HAPLN1: variants seen among roughly 807,000 people sequenced by gnomAD.
HAPLN1 encodes Cartilage link protein.
Under a neutral mutation model 36.5 loss-of-function variants are expected in HAPLN1, and 13 were observed. The ratio of observed to expected loss-of-function variants is 0.36; its 90% CI spans 0.23 to 0.57. The LOEUF (loss-of-function observed/expected upper bound fraction) is 0.57. Among genes scored for constraint, HAPLN1 ranks in the 20% least tolerant of loss-of-function variants. The probability of loss-of-function intolerance (pLI) is 0.83; values close to 1 mark genes in which losing one functional copy is unlikely to be tolerated. For synonymous variants in HAPLN1, 202 were observed against 169.8 expected, an observed-to-expected ratio of 1.19 and a Z score of -1.48; for missense variants, 407 against 439.7, an observed-to-expected ratio of 0.93 and a Z score of 0.66.
At chr5:83,656,322 C>T (rs1249931619) in intron 2 of HAPLN1, among the ~76,000 whole-genome samples, 2 of 69,640 alleles carry the variant, frequency 2.9e-5, no homozygotes, top group Non-Finnish European at 5.0e-5. Context: ...AGAAAGACTA[C>T]GTCTCAAAAA....
At chr5:83,657,150 C>T (rs1036592411) in intron 2 of HAPLN1, among the ~76,000 whole-genome samples, 1 of 151,198 alleles carries the variant, frequency 6.6e-6, no homozygotes, top group Admixed American at 6.6e-5. Flanking sequence ...GGCTGGAGTG[C>T]AATGGCACCA....
chr5:83,683,838 T>G (rs1751059147), intron 1 of HAPLN1, among the ~76,000 whole-genome samples: 1 of 152,144 alleles, frequency 6.6e-6, no homozygotes, highest in Non-Finnish European at 1.5e-5. Context: ...ATACTGACCA[T>G]ATAAATGTCA....
In HAPLN1 at chr5:83,638,255, A is replaced by G. The variant is rs1749572918; in HGVS notation, c.*3241T>C. The G allele has an allele frequency of 6.7e-6, 1 of 150,154 alleles. No individual in the cohort carries two copies. The highest frequency in any genetic ancestry group is 6.6e-5 in the Admixed American group (1 of 15,218). 9.3% of individuals were successfully genotyped at this position (150,154 alleles called of 1,614,324 possible). A position where few individuals can be genotyped will look rare whatever the true frequency, so the allele number is the denominator to read the frequency against. On this transcript the variant is annotated 3_prime_UTR_variant, in exon 5 of 5. Coordinates refer to ENST00000274341, the MANE Select transcript of HAPLN1 (RefSeq NM_001884.4). The stretch of plus-strand genomic sequence containing the variant: ...AGTTCATTGTATCTTACAGAAAATC[A>G]AAACATTTTTTTTTTGGTAATACAG...
intron 1 of HAPLN1, among the ~76,000 whole-genome samples, chr5:83,699,609 T>C (rs542597578): frequency 2.8e-4 from 42 of 152,328 alleles, no homozygotes; most frequent in African/African-American, 8.4e-4. Context: ...GCCCAGATGA[T>C]AAAAAAGGTT....
Position 83,652,745 on chromosome 5 carries a change from T to C in HAPLN1, c.180A>G (p.Pro60=), listed in dbSNP as rs754759453. Residue 60 remains proline (P), a synonymous_variant, in exon 3 of 5, where the codon CCA becomes CCG. Transcript: ENST00000274341. The part of the protein sequence containing the change: ...FSHRGGNVTL[P]CKFYRDPTAF... ...CTGTAGGGTCTCGATAAAATTTACATGGCAGTGTAACATTGCCACCTCTGT... is the reference window on the plus strand; with the variant it reads ...CTGTAGGGTCTCGATAAAATTTACACGGCAGTGTAACATTGCCACCTCTGT... The C allele has an allele frequency of 6.2e-7, 1 of 1,614,010 alleles. No homozygotes were observed. Among genetic ancestry groups the C allele is most frequent in the Non-Finnish European group, 8.5e-7 (1 of 1,179,998 alleles).
intron 2 of HAPLN1, among the ~76,000 whole-genome samples, chr5:83,666,937 C>T (rs944345774): frequency 6.6e-6 from 1 of 152,062 alleles, no homozygotes; most frequent in Non-Finnish European, 1.5e-5. Context: ...AAGACAAGGA[C>T]ATGGGCTAGC....
At chr5:83,698,458 C>T (rs1751440872) in intron 1 of HAPLN1, among the ~76,000 whole-genome samples, 1 of 152,010 alleles carries the variant, frequency 6.6e-6, no homozygotes, top group African/African-American at 2.4e-5. Flanking sequence ...TAAAAAATTT[C>T]CCTGTATTTT....
chr5:83,651,344 C>A (rs58682218), intron 3 of HAPLN1, among the ~76,000 whole-genome samples: 96,757 of 151,996 alleles, frequency 0.64, 32,067 homozygotes, highest in African/African-American at 0.83. Flanking sequence ...ATTTGATGAC[C>A]TACTGTCTTC....
At chr5:83,679,511 AC>A (rs1436353655) in intron 1 of HAPLN1, among the ~76,000 whole-genome samples, 1 of 151,510 alleles carries the variant, frequency 6.6e-6, no homozygotes, top group Non-Finnish European at 1.5e-5. Flanking sequence ...TCCATTCATC[AC>A]CTCCAAATCT....
At chr5:83,673,287 C>T in intron 2 of HAPLN1, 137 bp downstream of exon 2, 1 of 604,302 alleles carries the variant, frequency 1.7e-6, no homozygotes, top group South Asian at 2.2e-5. Flanking sequence ...AGCCAGGGAA[C>T]ACGTTCACCA....
At chr5:83,670,395 C>A (rs1750675172) in intron 2 of HAPLN1, among the ~76,000 whole-genome samples, 2 of 152,076 alleles carry the variant, frequency 1.3e-5, no homozygotes, top group South Asian at 2.1e-4. Context: ...ATAACTATTG[C>A]CTACATTGAG....
intron 1 of HAPLN1, among the ~76,000 whole-genome samples, chr5:83,705,164 T>C (rs986252842): frequency 1.3e-5 from 2 of 151,916 alleles, no homozygotes; most frequent in Non-Finnish European, 2.9e-5. Flanking sequence ...CTGAGGCAGC[T>C]GGATTACCTG....
At chr5:83,656,306 CAACACAGAAAGACTACGTCTCA>C (rs1219292069) in intron 2 of HAPLN1, among the ~76,000 whole-genome samples, 3 of 89,346 alleles carry the variant, frequency 3.4e-5, no homozygotes, top group African/African-American at 1.3e-4. Context: ...CCAGCCTGGG[CAACACAGAAAGACTACGTCTCA>C]AAAAAAAAAA....
At chr5:83,647,075 A>C (rs540539222) in intron 3 of HAPLN1, among the ~76,000 whole-genome samples, 2 of 152,302 alleles carry the variant, frequency 1.3e-5, no homozygotes, top group Admixed American at 6.5e-5. Context: ...AATTCACTGT[A>C]GTGTATTTTG....
chr5:83,708,216 T>C (rs965466599), intron 1 of HAPLN1, among the ~76,000 whole-genome samples: 37 of 152,216 alleles, frequency 2.4e-4, no homozygotes, highest in African/African-American at 8.0e-4. Context: ...ACTGGGGATA[T>C]ACTCAGAGGA....
intron 2 of HAPLN1, among the ~76,000 whole-genome samples, chr5:83,671,894 A>G (rs1413812384): frequency 1.3e-5 from 2 of 152,218 alleles, no homozygotes; most frequent in African/African-American, 4.8e-5. Flanking sequence ...TATGCAAATA[A>G]TCTGGATAAT....
chr5:83,697,176 T>G (rs1035454500), intron 1 of HAPLN1, among the ~76,000 whole-genome samples: 5 of 152,158 alleles, frequency 3.3e-5, no homozygotes, highest in African/African-American at 1.2e-4. Flanking sequence ...TCAATGAATA[T>G]TCAATGAATA....
At chr5:83,701,857 C>T (rs1178111933) in intron 1 of HAPLN1, among the ~76,000 whole-genome samples, 1 of 151,720 alleles carries the variant, frequency 6.6e-6, no homozygotes, top group Non-Finnish European at 1.5e-5. Context: ...ACCCGGGAGA[C>T]GGAGGTTGCG....
intron 2 of HAPLN1, among the ~76,000 whole-genome samples, chr5:83,661,877 C>T (rs1750405694): frequency 6.6e-6 from 1 of 152,006 alleles, no homozygotes; most frequent in Non-Finnish European, 1.5e-5. Context: ...CAAAAGATGC[C>T]ATGAAAAGGC....
Sources: allele counts gnomAD v4.1 joint callset (sites outside exome capture counted in the v4.1 genomes callset), GRCh38; gene constraint gnomAD v4.1.1; transcripts MANE v1.5; gene names NCBI Gene and HGNC (gene_info 2026-07-23, HGNC 2026-07-21).